The following ANKRD46 variants were observed in gnomAD, a reference collection of about 807,000 sequenced individuals.
ANKRD46 encodes the protein ankyrin repeat domain-containing protein 46.
ANKRD46 carries 13 observed loss-of-function variants against 19.8 expected under a neutral mutation model. The ratio of observed to expected loss-of-function variants is 0.66; its 90% CI spans 0.43 to 1.04. The LOEUF (loss-of-function observed/expected upper bound fraction) is 1.04, where lower values mean the gene tolerates loss of function less well. ANKRD46 is among the 50% of genes least tolerant of loss of function. The pLI is 0.00. For missense variants in ANKRD46, 185 were observed against 274.8 expected (o/e 0.67, Z 2.31); for synonymous variants, 91 against 106.9 (o/e 0.85, Z 0.92).
intron 1 of ANKRD46, among the ~76,000 whole-genome samples, chr8:100,558,340 C>A (rs1263458279): frequency 1.3e-5 from 2 of 152,188 alleles, no homozygotes; most frequent in Admixed American, 6.5e-5. Context: ...ATCAAAAAAT[C>A]TTTGATTTCC....
At position 100,521,759 on chromosome 8, in the gene ANKRD46, G is replaced by C; in HGVS notation, c.*796C>G. On this transcript the variant is annotated 3_prime_UTR_variant, in exon 5 of 5. Coordinates refer to ENST00000335659, the MANE Select transcript of ANKRD46 (RefSeq NM_001270377.2). Reference sequence around the variant, plus strand: ...TTAAATATCAGAATTATTTTTCCCTGCTAACTATTCAGTAGAAAAAGGATT... The same window carrying C: ...TTAAATATCAGAATTATTTTTCCCTCCTAACTATTCAGTAGAAAAAGGATT... 1.4e-5 allele frequency: 14 copies of C among 985,264 alleles called. No individual in the cohort carries two copies. The highest frequency in any genetic ancestry group is 4.7e-5 in the South Asian group (1 of 21,276). 61.0% of individuals were successfully genotyped at this position (985,264 alleles called of 1,614,324 possible).
intron 1 of ANKRD46, among the ~76,000 whole-genome samples, chr8:100,558,858 T>A (rs1812555910): frequency 1.3e-5 from 2 of 152,100 alleles, no homozygotes; most frequent in Admixed American, 1.3e-4. Context: ...GGATTAAAGG[T>A]ACCAGGTATT....
rs1344849640 is a variant in ANKRD46 at position 100,532,125 on chromosome 8, G to A, written c.-28+1084C>T. 6.6e-6 allele frequency among the ~76,000 whole-genome samples: 1 copy of A among 152,158 alleles called. No individual in the cohort carries two copies. Among genetic ancestry groups the A allele is most frequent in the Non-Finnish European group, 1.5e-5 (1 of 68,024 alleles). ...AAAAAGTTTATGATTAAAAACTACA[G>A]AGATTAAAATCAAAATAAACTTCAG... On this transcript the variant is annotated intron_variant, in intron 2 of 4. Transcript: ENST00000335659. This position sits in a 1 kb window ranked among gnomAD's most constrained non-coding sequence, Gnocchi z 4.7.
In ANKRD46 at chr8:100,557,541, T is replaced by G. The variant is rs140402386; in HGVS notation, c.-131+2170A>C. ...AGCCAGAGTGATCCTTTAAAAACCT[T>G]AAGCCAGATCCCCTCATTCCTCTGC... On this transcript the variant is annotated intron_variant, in intron 1 of 4. Coordinates refer to ENST00000335659, the MANE Select transcript of ANKRD46 (RefSeq NM_001270377.2). This position sits in a 1 kb window ranked among gnomAD's most constrained non-coding sequence, Gnocchi z 5.9. Among the ~76,000 whole-genome samples the G allele has an allele frequency of 6.3e-3, 952 of 152,292 alleles. 2 individuals are homozygous for G. Among genetic ancestry groups the G allele is most frequent in the Non-Finnish European group, 0.01 (699 of 68,016 alleles).
At chr8:100,535,097 A>T (rs562190304) in intron 1 of ANKRD46, among the ~76,000 whole-genome samples, 1 of 152,254 alleles carries the variant, frequency 6.6e-6, no homozygotes, top group Non-Finnish European at 1.5e-5. Flanking sequence ...ACAATGGCCC[A>T]TAAGAAAATA....
At chr8:100,514,652 C>T (rs1204917734) in intron 5 of ANKRD46, among the ~76,000 whole-genome samples, 2 of 82,340 alleles carry the variant, frequency 2.4e-5, no homozygotes, top group African/African-American at 1.1e-4. Context: ...GATAGAGTCT[C>T]ACTCTGTCAC....
Position 100,521,630 on chromosome 8 carries a change from A to G in ANKRD46, c.*925T>C. 6 of 985,462 alleles carry G rather than the reference A, an allele frequency of 6.1e-6. No individual in the cohort carries two copies. The highest frequency in any genetic ancestry group is 7.2e-6 in the Non-Finnish European group (6 of 829,932). The allele number at this position is 985,462 out of a possible 1,614,324, so 61.0% of individuals were successfully genotyped here. On this transcript the variant is annotated 3_prime_UTR_variant, in exon 5 of 5. Transcript: ENST00000335659. ...TAAAAGTCTAACAGGGCCTCCAAAT[A>G]GGATTGCACATGAAATAATTATGAA...
At chr8:100,528,199 CCT>C (rs1287854455) in intron 3 of ANKRD46, among the ~76,000 whole-genome samples, 196 bp from the exon 4 acceptor site, 1 of 152,030 alleles carries the variant, frequency 6.6e-6, no homozygotes, top group African/African-American at 2.4e-5. Flanking sequence ...CCACCATGAG[CCT>C]TGACCATCTG....
At chr8:100,513,482 T>C (rs143335775) in intron 5 of ANKRD46, among the ~76,000 whole-genome samples, 6 of 152,344 alleles carry the variant, frequency 3.9e-5, no homozygotes, top group African/African-American at 9.6e-5. Flanking sequence ...GTTTTAAACA[T>C]GAAAACAGAT....
At position 100,522,553 on chromosome 8, in the gene ANKRD46, CT is replaced by C. The variant is rs764351431; in HGVS notation, c.*1del. 1 of 1,614,048 alleles carries C rather than the reference CT, an allele frequency of 6.2e-7. No homozygotes were observed. The highest frequency in any genetic ancestry group is 1.1e-5 in the South Asian group (1 of 91,062). On this transcript the variant is annotated 3_prime_UTR_variant, in exon 5 of 5. Coordinates refer to ENST00000335659, the MANE Select transcript of ANKRD46 (RefSeq NM_001270377.2). ...TAATTGCCTCATCTTCCATGAGCTC[CT>C]TTAATGCACCAGTTCAGGCTGGTTT... is the stretch of plus-strand genomic sequence containing the variant.
intron 5 of ANKRD46, among the ~76,000 whole-genome samples, chr8:100,515,661 A>AGGGGGGGGGG (rs368942546): frequency 1.7e-5 from 1 of 59,972 alleles, no homozygotes; most frequent in Non-Finnish European, 3.4e-5. Context: ...GGTGCGGGGG[A>AGGGGGGGGGG]GGGGGGGGGC....
Position 100,557,313 on chromosome 8 carries a change from G to A in ANKRD46, c.-131+2398C>T, listed in dbSNP as rs1812521778. Reference sequence around the variant, plus strand: ...AATAGCTCAGGCCAAAGGCCACAGGGTCGTGCTTCACCCTTTCTCTCATAA... The same window carrying A: ...AATAGCTCAGGCCAAAGGCCACAGGATCGTGCTTCACCCTTTCTCTCATAA... On this transcript the variant is annotated intron_variant, in intron 1 of 4. Transcript: ENST00000335659. The surrounding 1 kb of genome is among the most constrained non-coding windows in gnomAD (Gnocchi z 5.9). Among the ~76,000 whole-genome samples, 1 of 152,204 alleles carries A rather than the reference G, an allele frequency of 6.6e-6. No individual in the cohort carries two copies. The highest frequency in any genetic ancestry group is 2.4e-5 in the African/African-American group (1 of 41,452).
At chr8:100,530,476 C>T (rs1811937332) in intron 2 of ANKRD46, among the ~76,000 whole-genome samples, 2 of 151,992 alleles carry the variant, frequency 1.3e-5, no homozygotes, top group Admixed American at 6.5e-5. Context: ...CTCCATCTCC[C>T]GAGTTCAAGC....
intron 1 of ANKRD46, among the ~76,000 whole-genome samples, chr8:100,555,137 C>A (rs368629359): frequency 6.6e-6 from 1 of 151,416 alleles, no homozygotes; most frequent in South Asian, 2.1e-4. Context: ...TTATAGAATG[C>A]CTAGACAAAA....
At chr8:100,554,311 C>T (rs1461722406) in intron 1 of ANKRD46, among the ~76,000 whole-genome samples, 3 of 131,598 alleles carry the variant, frequency 2.3e-5, no homozygotes, top group Admixed American at 7.7e-5. Context: ...AAAAACTGAA[C>T]AGCACTAAAA....
intron 1 of ANKRD46, among the ~76,000 whole-genome samples, chr8:100,535,073 T>A (rs921671565): frequency 6.6e-6 from 1 of 152,226 alleles, no homozygotes; most frequent in Non-Finnish European, 1.5e-5. Context: ...AGCCTGCCAT[T>A]TTCTTTGGAT....
At chr8:100,539,200 T>G (rs887865864) in intron 1 of ANKRD46, among the ~76,000 whole-genome samples, 1 of 152,346 alleles carries the variant, frequency 6.6e-6, no homozygotes, top group African/African-American at 2.4e-5. Context: ...TCTCTATTTT[T>G]TGGAAAATTG....
chr8:100,530,021 T>C (rs1427472267), intron 2 of ANKRD46, among the ~76,000 whole-genome samples, 161 bp from the exon 3 acceptor site: 1 of 152,236 alleles, frequency 6.6e-6, no homozygotes, highest in Non-Finnish European at 1.5e-5. Context: ...TATTTTATTT[T>C]CCATTAAAAC....
chr8:100,556,233 C>G (rs903203783), intron 1 of ANKRD46, among the ~76,000 whole-genome samples: 2 of 152,138 alleles, frequency 1.3e-5, no homozygotes, highest in African/African-American at 2.4e-5. Flanking sequence ...GTTGTCCAGG[C>G]TGGTCTTGAA....
Sources: allele counts gnomAD v4.1 joint callset (sites outside exome capture counted in the v4.1 genomes callset), GRCh38; gene constraint gnomAD v4.1.1; non-coding constraint Gnocchi (gnomAD v3.1); transcripts MANE v1.5; gene names NCBI Gene and HGNC (gene_info 2026-07-23, HGNC 2026-07-21).